Variants in TAF6 observed in about 807,000 individuals in gnomAD.
TAF6 encodes TATA-box binding protein associated factor 6.
TAF6 carries 50 observed loss-of-function variants against 73.5 expected under a neutral mutation model. The observed-to-expected ratio is 0.68, with a 90% CI of 0.54 to 0.86. The LOEUF (loss-of-function observed/expected upper bound fraction) is 0.86. TAF6 is among the 40% of genes least tolerant of loss of function. The pLI, the probability that TAF6 is intolerant of heterozygous loss-of-function variation, is 0.00. For missense variants in TAF6, 768 were observed against 899.5 expected (o/e 0.85, Z 1.87); for synonymous variants, 424 against 376.7 (o/e 1.13, Z -1.45).
chr7:100,114,316 G>A (rs760591666), intron 1 of TAF6, 48 bp from the exon 2 acceptor site: 19 of 1,575,806 alleles, frequency 1.2e-5, no homozygotes, highest in Non-Finnish European at 1.6e-5. Flanking sequence ...GTGAGACACA[G>A]GGAGAGGGCC....
upstream of TAF6, chr7:100,124,796 CAGGAGGAGG>C (rs141457365): frequency 1.2e-5 from 20 of 1,612,454 alleles, no homozygotes; most frequent in East Asian, 2.2e-4. Context: ...GGAGGAAGAG[CAGGAGGAGG>C]AGGAGGAAGA....
upstream of TAF6, chr7:100,124,717 C>T (rs748148095): frequency 3.1e-6 from 5 of 1,613,662 alleles, no homozygotes; most frequent in East Asian, 2.2e-5. Flanking sequence ...TTCTGTCATC[C>T]GATCTAGCAT....
At chr7:100,122,465 T>G, upstream of TAF6, 3 of 1,613,972 alleles carry the variant, frequency 1.9e-6, no homozygotes, top group Non-Finnish European at 2.5e-6. Flanking sequence ...AATCTTTGTT[T>G]CCTCTCTTTC....
chr7:100,119,659 C>T, upstream of TAF6: 1 of 1,610,964 alleles, frequency 6.2e-7, no homozygotes, highest in East Asian at 2.2e-5. Flanking sequence ...TTAAGGTTGC[C>T]GCTAGCCGCC....
the TAF6 span, chr7:100,125,021 C>T: frequency 9.3e-7 from 1 of 1,074,382 alleles, no homozygotes; most frequent in African/African-American, 1.6e-5. Context: ...TCTCTCCCAT[C>T]TAACCTCAGG....
rs200826579 is a variant in TAF6 at position 100,110,184 on chromosome 7, C to T, written c.1158+16G>A. 13 of 1,614,022 alleles carry T rather than the reference C, an allele frequency of 8.1e-6. No homozygotes were observed. The highest frequency in any genetic ancestry group is 1.1e-5 in the Non-Finnish European group (13 of 1,180,036). On this transcript the variant is annotated intron_variant, in intron 11 of 14. Transcript: ENST00000453269. ...ACTGTGTCCCCTCCCCCATTTCTTC[C>T]TCCCAGAGGCCTAACATCGTGTCCC...
chr7:100,107,730 G>T, intron 14 of TAF6, 107 bp from the exon 15 acceptor site: 1 of 1,493,192 alleles, frequency 6.7e-7, no homozygotes, highest in Non-Finnish European at 9.0e-7. Flanking sequence ...TGTTCCTGTA[G>T]TTCACCCTGT....
intron 14 of TAF6, 121 bp downstream of exon 14, chr7:100,107,805 C>T (rs1032839900): frequency 9.3e-6 from 13 of 1,399,970 alleles, no homozygotes; most frequent in South Asian, 5.8e-5. Context: ...CCCTGGTGGG[C>T]GCCTCTTCCA....
intron 12 of TAF6, among the ~76,000 whole-genome samples, chr7:100,109,488 G>A (rs147735857): frequency 6.6e-6 from 1 of 152,182 alleles, no homozygotes; most frequent in African/African-American, 2.4e-5. Flanking sequence ...GCCACAGGCT[G>A]AGCGTGTTAA....
At position 100,111,121 on chromosome 7, in the gene TAF6, C is replaced by T. The variant is rs759979637; in HGVS notation, c.1083+18G>A. 6 of 1,609,124 alleles carry T rather than the reference C, an allele frequency of 3.7e-6. No individual in the cohort carries two copies. Among genetic ancestry groups the T allele is most frequent in the Non-Finnish European group, 5.1e-6 (6 of 1,175,996 alleles). On this transcript the variant is annotated intron_variant, in intron 10 of 14. Transcript: ENST00000453269. The stretch of plus-strand genomic sequence containing the variant: ...GGCCAGTGATGAAGCAAATGACGCT[C>T]AAGTTTTCCTGGCTCACCTTGGTGA...
intron 12 of TAF6, 62 bp from the exon 13 acceptor site, chr7:100,108,602 G>A (rs1796830126): frequency 6.5e-7 from 1 of 1,528,750 alleles, no homozygotes; most frequent in Non-Finnish European, 8.8e-7. Flanking sequence ...GGTAGAGGGA[G>A]GGCTGGTGAC....
intron 10 of TAF6, 47 bp from the exon 11 acceptor site, chr7:100,110,321 G>T (rs748317764): frequency 3.4e-5 from 54 of 1,592,338 alleles, no homozygotes; most frequent in Non-Finnish European, 2.2e-5. Context: ...CTGAAAGGAT[G>T]ATTGACAGGG....
intron 14 of TAF6, 85 bp from the exon 15 acceptor site, chr7:100,107,708 G>A: frequency 6.5e-7 from 1 of 1,538,150 alleles, no homozygotes; most frequent in Non-Finnish European, 8.7e-7. Flanking sequence ...CTCGCTCCCT[G>A]CCTGAACAAG....
the TAF6 span, chr7:100,125,596 TAAGCTC>T: frequency 6.6e-6 from 1 of 152,214 alleles, no homozygotes; most frequent in South Asian, 2.1e-4. Context: ...GCTGTCTTGT[TAAGCTC>T]AAGCTCCAGC....
At chr7:100,113,560 C>T (rs1168674980) in intron 4 of TAF6, 56 bp downstream of exon 4, 2 of 1,598,486 alleles carry the variant, frequency 1.3e-6, no homozygotes, top group Admixed American at 1.7e-5. Flanking sequence ...CTCACACCTA[C>T]ACACATCTGT....
upstream of TAF6, chr7:100,124,647 G>A: frequency 6.2e-7 from 1 of 1,612,058 alleles, no homozygotes; most frequent in Non-Finnish European, 8.5e-7. Context: ...CGTAAGGGTT[G>A]AACTCCTCTC....
upstream of TAF6, chr7:100,119,469 T>C: frequency 1.5e-6 from 2 of 1,340,470 alleles, no homozygotes; most frequent in Non-Finnish European, 1.9e-6. Flanking sequence ...AAAGTTTGTT[T>C]CTACATCTAT....
chr7:100,118,840 T>C, intron 1 of TAF6: 6 of 985,288 alleles, frequency 6.1e-6, no homozygotes, highest in Non-Finnish European at 7.2e-6. Context: ...CCGACTTTTA[T>C]AAGTCTTATC....
chr7:100,122,485 ACAAGG>A, upstream of TAF6: 2 of 1,613,856 alleles, frequency 1.2e-6, no homozygotes, highest in Middle Eastern at 1.7e-4. Flanking sequence ...CCACAGAGAG[ACAAGG>A]CTGGAAGAGG....
Sources: allele counts gnomAD v4.1 joint callset (sites outside exome capture counted in the v4.1 genomes callset), GRCh38; gene constraint gnomAD v4.1.1; transcripts MANE v1.5; gene names NCBI Gene and HGNC (gene_info 2026-07-23, HGNC 2026-07-21).